Variants in CFAP92 observed in about 807,000 individuals in gnomAD.
CFAP92 encodes uncharacterized protein CFAP92.
CFAP92 carries 86 observed loss-of-function variants against 106.3 expected under a neutral mutation model. That is an observed-to-expected ratio of 0.81 (90% CI 0.68 to 0.97). The LOEUF (loss-of-function observed/expected upper bound fraction) is 0.97. CFAP92 is among the 50% of genes least tolerant of loss of function. The pLI is 0.00. For missense variants in CFAP92, 1,204 were observed against 1,283.8 expected (o/e 0.94, Z 0.95); for synonymous variants, 477 against 506.4 (o/e 0.94, Z 0.78).
chr3:128,973,224 T>A (rs1407778960), intron 7 of CFAP92, among the ~76,000 whole-genome samples: 2 of 152,038 alleles, frequency 1.3e-5, no homozygotes, highest in African/African-American at 4.8e-5. Context: ...AGCAAAGATA[T>A]GAATAGGAAA....
At position 128,943,931 on chromosome 3, in the gene CFAP92, T is replaced by TTG. The variant is rs1553747316; in HGVS notation, c.2258+1139_2258+1140insCA. Among the ~76,000 whole-genome samples, 19 of 144,106 alleles carry TTG rather than the reference T, an allele frequency of 1.3e-4. 1 individual carries two copies. The highest frequency in any genetic ancestry group is 2.9e-4 in the African/African-American group (11 of 37,756). The allele number at this position is 144,106 out of a possible 152,430, so 94.5% of individuals were successfully genotyped here. On this transcript the variant is annotated intron_variant, in intron 10 of 15. Transcript: ENST00000645291. The stretch of plus-strand genomic sequence containing the variant: ...GGGTTATTTCCCCCGTTTTTTTTTT[T>TTG]TTTTTTTTTTTAATTTGAGACAGGG...
chr3:128,989,632 C>A (rs944654856), intron 2 of CFAP92, among the ~76,000 whole-genome samples: 1 of 152,224 alleles, frequency 6.6e-6, no homozygotes, highest in East Asian at 1.9e-4. Flanking sequence ...TTAAACTGCA[C>A]ACTCTAGGTT....
At chr3:128,949,521 G>T (rs1342268300) in intron 9 of CFAP92, among the ~76,000 whole-genome samples, 1 of 152,188 alleles carries the variant, frequency 6.6e-6, no homozygotes, top group African/African-American at 2.4e-5. Flanking sequence ...CCATTTACAT[G>T]ACATTCTTCC....
intron 1 of CFAP92, chr3:129,002,565 C>T (rs1944843621): frequency 2.8e-6 from 2 of 718,016 alleles, no homozygotes; most frequent in African/African-American, 1.9e-5. Context: ...CACACTCAAA[C>T]AACCATACCC....
intron 10 of CFAP92, among the ~76,000 whole-genome samples, chr3:128,937,161 C>T (rs1939105854): frequency 1.3e-5 from 2 of 151,696 alleles, no homozygotes; most frequent in Non-Finnish European, 2.9e-5. Context: ...ATAATCTGGG[C>T]ATGGTGGTGC....
At chr3:128,992,469 C>T (rs951642548) in intron 2 of CFAP92, among the ~76,000 whole-genome samples, 5 of 151,886 alleles carry the variant, frequency 3.3e-5, no homozygotes, top group African/African-American at 7.3e-5. Context: ...GGCTGAGGCA[C>T]GAGAATTGCT....
Position 128,978,044 on chromosome 3 carries a change from C to T in CFAP92, c.808+1G>A. 6.2e-7 allele frequency: 1 copy of T among 1,613,932 alleles called. No homozygotes were observed. Among genetic ancestry groups the T allele is most frequent in the Non-Finnish European group, 8.5e-7 (1 of 1,179,864 alleles). On this transcript the variant is annotated splice_donor_variant, in intron 5 of 15. Coordinates refer to ENST00000645291, the MANE Select transcript of CFAP92 (RefSeq NM_001394090.1). LOFTEE classifies it high-confidence loss of function. ...TGTCCACAAAGGCCTTCTCCGCTCA[C>T]CTTGCAAAGACTTTGGGTGTTTTTC...
upstream of CFAP92, chr3:129,003,448 C>T (rs1449283815): frequency 3.8e-6 from 1 of 264,512 alleles, no homozygotes; most frequent in Non-Finnish European, 5.8e-6. Flanking sequence ...AACCGCCACC[C>T]GGCAGGCTGA....
intron 11 of CFAP92, 106 bp from the exon 12 acceptor site, chr3:128,933,103 G>A (rs1576429383): frequency 1.9e-6 from 2 of 1,059,174 alleles, no homozygotes; most frequent in East Asian, 2.6e-5. Flanking sequence ...CTGCTTAGCT[G>A]GTCCCAAGTC....
intron 9 of CFAP92, among the ~76,000 whole-genome samples, chr3:128,950,300 A>C (rs1191600947): frequency 6.6e-6 from 1 of 152,168 alleles, no homozygotes; most frequent in Non-Finnish European, 1.5e-5. Flanking sequence ...AGATCACCCG[A>C]TGGTGAAGCT....
chr3:128,986,541 C>T (rs1943868897), intron 4 of CFAP92, among the ~76,000 whole-genome samples: 1 of 152,134 alleles, frequency 6.6e-6, no homozygotes, highest in Non-Finnish European at 1.5e-5. Flanking sequence ...TTTAACATCT[C>T]TAAGCATCAG....
the CFAP92 span, among the ~76,000 whole-genome samples, chr3:129,008,207 G>T: frequency 6.6e-6 from 1 of 152,220 alleles, no homozygotes; most frequent in Non-Finnish European, 1.5e-5. Context: ...AAAACCCCAA[G>T]ACCAATAGGT....
chr3:128,932,983 C>T lies in CFAP92; in HGVS notation c.2468G>A (p.Cys823Tyr). 6.5e-7 allele frequency: 1 copy of T among 1,536,114 alleles called. No homozygotes were observed. Among genetic ancestry groups the T allele is most frequent in the Non-Finnish European group, 8.7e-7 (1 of 1,146,914 alleles). Residue 823 changes from cysteine (C) to tyrosine (Y), a missense_variant, in exon 12 of 16, where the codon TGC (cysteine) becomes TAC (tyrosine). Coordinates refer to ENST00000645291, the MANE Select transcript of CFAP92 (RefSeq NM_001394090.1). ...FQALARIHDI[C>Y]YNSTTLWDVT... ...GTCCCAGAGGGTGGTGCTGTTATAG[C>T]AGATGTCGTGGATCCTGGAACAAAG...
Position 128,988,949 on chromosome 3 carries a change from T to G in CFAP92, c.263-31A>C, listed in dbSNP as rs184740938. Reference sequence around the variant, plus strand: ...AGATACAGATTGAAAAAGTCTCGTTTTAACCTCATGTGGAAAAGCAGACCC... The same window carrying G: ...AGATACAGATTGAAAAAGTCTCGTTGTAACCTCATGTGGAAAAGCAGACCC... On this transcript the variant is annotated intron_variant, in intron 2 of 15. Transcript: ENST00000645291. The G allele has an allele frequency of 1.3e-4, 197 of 1,564,854 alleles. 5 individuals are homozygous for G. In the South Asian group the frequency reaches 1.7e-3, roughly 13 times the overall value.
chr3:128,973,015 C>T (rs1240662044), intron 7 of CFAP92, among the ~76,000 whole-genome samples: 1 of 151,974 alleles, frequency 6.6e-6, no homozygotes, highest in Non-Finnish European at 1.5e-5. Flanking sequence ...CTTAAACATT[C>T]GTGAAAGTAT....
chr3:128,935,270 G>A lies in CFAP92; in HGVS notation c.2308C>T (p.Leu770=). Residue 770 remains leucine (L), a synonymous_variant, in exon 11 of 16, where the codon CTG becomes TTG. Coordinates refer to ENST00000645291, the MANE Select transcript of CFAP92 (RefSeq NM_001394090.1). The part of the protein sequence containing the change: ...RKYKVLYNSQ[L]LFRSRLYGDL... ...CCATAGAGCCGGCTGCGGAACAGCA[G>A]CTGTGAGTTGTACAGCACCTTGTAT... 6.5e-7 allele frequency: 1 copy of A among 1,535,888 alleles called. No homozygotes were observed. The highest frequency in any genetic ancestry group is 1.2e-5 in the South Asian group (1 of 84,040).
chr3:129,002,348 G>T (rs1425010883), intron 1 of CFAP92: 1 of 1,510,078 alleles, frequency 6.6e-7, no homozygotes, highest in Non-Finnish European at 8.8e-7. Context: ...ACGAAGGGAG[G>T]GTGGTAACGC....
At chr3:128,918,869 A>G (rs917777075) in intron 12 of CFAP92, among the ~76,000 whole-genome samples, 11 of 151,990 alleles carry the variant, frequency 7.2e-5, no homozygotes, top group Admixed American at 5.9e-4. Context: ...TTAAAAGTAG[A>G]TTAGGTGGCA....
chr3:128,932,378 T>TACACACACACACACACACAC lies in CFAP92; in HGVS notation c.2751+321_2751+322insGTGTGTGTGTGTGTGTGTGT, dbSNP rs112536236. ...GCCCTGAGCAGCGTAAGCAACATGT[T>TACACACACACACACACACAC]ACACACACACACACACACATGCCAC... On this transcript the variant is annotated intron_variant, in intron 12 of 15. Transcript: ENST00000645291. Among the ~76,000 whole-genome samples, 102 of 147,590 alleles carry TACACACACACACACACACAC rather than the reference T, an allele frequency of 6.9e-4. No individual in the cohort carries two copies. In the South Asian group the frequency reaches 0.011, roughly 16 times the overall value.
Sources: gnomAD v4.1 joint callset for allele counts (sites outside exome capture counted in the v4.1 genomes callset) on GRCh38, gnomAD v4.1.1 for gene constraint, MANE v1.5 for transcripts, NCBI Gene and HGNC (gene_info 2026-07-23, HGNC 2026-07-21) for gene names.